Variants in CTNNA3 observed in about 807,000 individuals in gnomAD.
CTNNA3 encodes the protein catenin alpha-3.
CTNNA3 carries 76 observed loss-of-function variants against 95.7 expected under a neutral mutation model. The ratio of observed to expected loss-of-function variants is 0.79; its 90% CI spans 0.66 to 0.96. CTNNA3 has a LOEUF of 0.96. Among genes scored for constraint, CTNNA3 ranks in the 40% least tolerant of loss-of-function variants. The pLI, the probability that CTNNA3 is intolerant of heterozygous loss-of-function variation, is 0.00. For synonymous variants in CTNNA3, 431 were observed against 374.4 expected, an observed-to-expected ratio of 1.15 and a Z score of -1.74; for missense variants, 1,191 against 1,089.8, an observed-to-expected ratio of 1.09 and a Z score of -1.31.
intron 7 of CTNNA3, among the ~76,000 whole-genome samples, chr10:66,969,288 T>G (rs982354299): frequency 6.6e-6 from 1 of 152,160 alleles, no homozygotes; most frequent in Non-Finnish European, 1.5e-5. Flanking sequence ...TTATGTCTTA[T>G]TTTTATAACT....
At chr10:67,713,037 G>A (rs1003709596) in intron 1 of CTNNA3, among the ~76,000 whole-genome samples, 25 of 152,060 alleles carry the variant, frequency 1.6e-4, no homozygotes, top group Admixed American at 1.4e-3. Context: ...CTATCCATCT[G>A]ACAAAGGGCT....
At chr10:66,356,951 G>A (rs2092615846) in intron 12 of CTNNA3, among the ~76,000 whole-genome samples, 1 of 151,966 alleles carries the variant, frequency 6.6e-6, no homozygotes, top group African/African-American at 2.4e-5. Context: ...GCATCCTTGA[G>A]ATAAACTATA....
chr10:66,682,354 TTAAAAGAAAA>T (rs1847095740), intron 9 of CTNNA3, among the ~76,000 whole-genome samples: 1 of 151,958 alleles, frequency 6.6e-6, no homozygotes, highest in Admixed American at 6.6e-5. Flanking sequence ...AAGGTAAAAA[TTAAAAGAAAA>T]TAAAGAAATC....
chr10:67,429,998 G>T (rs2132893303), intron 5 of CTNNA3, among the ~76,000 whole-genome samples: 1 of 152,104 alleles, frequency 6.6e-6, no homozygotes, highest in East Asian at 1.9e-4. Flanking sequence ...AAAGGAAAAA[G>T]ACTTCCATTG....
chr10:66,257,344 C>T (rs2090827538), intron 13 of CTNNA3, among the ~76,000 whole-genome samples: 1 of 152,144 alleles, frequency 6.6e-6, no homozygotes. Flanking sequence ...GATGGAAAAC[C>T]CCAAGGAGGC....
intron 7 of CTNNA3, among the ~76,000 whole-genome samples, chr10:66,824,040 C>T (rs1842403448): frequency 1.2e-5 from 1 of 85,760 alleles, no homozygotes; most frequent in Admixed American, 1.6e-4. Context: ...ATAAATATGC[C>T]ATACTCTTTT....
intron 11 of CTNNA3, among the ~76,000 whole-genome samples, chr10:66,445,471 G>A (rs1237503461): frequency 1.3e-5 from 2 of 151,992 alleles, no homozygotes; most frequent in Non-Finnish European, 2.9e-5. Context: ...ATAACAAACT[G>A]TCTCTCAAAC....
At position 66,373,082 on chromosome 10, in the gene CTNNA3, T is replaced by C. The variant is rs1326300778; in HGVS notation, c.1732+6070A>G. On this transcript the variant is annotated intron_variant, in intron 12 of 17. Coordinates refer to ENST00000433211, the MANE Select transcript of CTNNA3 (RefSeq NM_013266.4). ...TAAAATTTCTATCACTGTGTCAGAATATATTATTTTTTAAAAAATAAGGCT... is the reference window on the plus strand; with the variant it reads ...TAAAATTTCTATCACTGTGTCAGAACATATTATTTTTTAAAAAATAAGGCT... 2.0e-5 allele frequency among the ~76,000 whole-genome samples: 3 copies of C among 152,162 alleles called. 1 individual carries two copies. The highest frequency in any genetic ancestry group is 4.4e-5 in the Non-Finnish European group (3 of 68,018).
chr10:67,251,271 T>A (rs779912756), intron 5 of CTNNA3, among the ~76,000 whole-genome samples: 7 of 152,162 alleles, frequency 4.6e-5, no homozygotes, highest in African/African-American at 9.7e-5. Context: ...ATGAAATGTC[T>A]CTAGAATAGG....
At chr10:66,581,044 T>C (rs1395068166) in intron 10 of CTNNA3, among the ~76,000 whole-genome samples, 1 of 151,778 alleles carries the variant, frequency 6.6e-6, no homozygotes, top group Non-Finnish European at 1.5e-5. Context: ...TAATGGCCTC[T>C]AGTTCCAACC....
intron 14 of CTNNA3, among the ~76,000 whole-genome samples, chr10:66,096,711 A>G (rs1037658370): frequency 2.6e-5 from 4 of 151,948 alleles, no homozygotes; most frequent in African/African-American, 9.7e-5. Flanking sequence ...TTTAGTAGAG[A>G]TGGTGTTTCA....
chr10:66,393,277 A>G (rs2092948179), intron 11 of CTNNA3, among the ~76,000 whole-genome samples: 1 of 152,076 alleles, frequency 6.6e-6, no homozygotes, highest in South Asian at 2.1e-4. Flanking sequence ...TATTCTGTGT[A>G]ATACTGCAGT....
chr10:66,585,041 A>G (rs1843313492), intron 10 of CTNNA3, among the ~76,000 whole-genome samples: 1 of 152,090 alleles, frequency 6.6e-6, no homozygotes, highest in Non-Finnish European at 1.5e-5. Flanking sequence ...GTTTCTGCTG[A>G]GAAGTCTGCA....
At chr10:67,488,613 C>T (rs559610547) in intron 5 of CTNNA3, among the ~76,000 whole-genome samples, 48 of 151,700 alleles carry the variant, frequency 3.2e-4, no homozygotes, top group African/African-American at 1.2e-3. Context: ...TCAGGTAATC[C>T]ACCCACCTCG....
chr10:66,148,473 G>T (rs1207745096), intron 13 of CTNNA3, among the ~76,000 whole-genome samples: 1 of 152,062 alleles, frequency 6.6e-6, no homozygotes, highest in Non-Finnish European at 1.5e-5. Context: ...TAGTCGTGAG[G>T]TCTCTGCCCT....
chr10:66,061,515 T>G (rs572903068), intron 15 of CTNNA3, among the ~76,000 whole-genome samples: 14 of 152,142 alleles, frequency 9.2e-5, no homozygotes, highest in Non-Finnish European at 2.1e-4. Context: ...TTCTCACTTA[T>G]CATTTCCATT....
intron 7 of CTNNA3, among the ~76,000 whole-genome samples, chr10:66,787,335 T>A (rs1840788388): frequency 6.6e-6 from 1 of 152,098 alleles, no homozygotes; most frequent in South Asian, 2.1e-4. Context: ...GGAAAGAGCA[T>A]TTTTATTTTA....
chr10:66,932,117 C>A (rs1329517505), intron 7 of CTNNA3, among the ~76,000 whole-genome samples: 2 of 152,114 alleles, frequency 1.3e-5, no homozygotes, highest in Admixed American at 6.6e-5. Context: ...CTCCCTCCCC[C>A]TTTTCAGCCA....
At chr10:66,347,296 A>G (rs1228788728) in intron 12 of CTNNA3, among the ~76,000 whole-genome samples, 1 of 152,074 alleles carries the variant, frequency 6.6e-6, no homozygotes, top group Non-Finnish European at 1.5e-5. Context: ...ATTGAAATTA[A>G]AGGAAGTTTT....
Sources: allele counts gnomAD v4.1 joint callset (sites outside exome capture counted in the v4.1 genomes callset), GRCh38; gene constraint gnomAD v4.1.1; transcripts MANE v1.5; gene names NCBI Gene and HGNC (gene_info 2026-07-23, HGNC 2026-07-21).